Variants in UBE3B observed in about 807,000 individuals in gnomAD.
UBE3B encodes ubiquitin protein ligase E3B.
A neutral mutation model predicts 132.3 loss-of-function variants in UBE3B; 80 were observed. The observed-to-expected ratio is 0.60, with a 90% CI of 0.50 to 0.73. The LOEUF is 0.73. Ranked by LOEUF, UBE3B falls within the 30% of genes least tolerant of loss-of-function variation. The pLI, the probability that UBE3B is intolerant of heterozygous loss-of-function variation, is 0.00. For missense variants in UBE3B, 1,196 were observed against 1,362.5 expected (o/e 0.88, Z 1.92); for synonymous variants, 487 against 520.4 (o/e 0.94, Z 0.87).
chr12:109,485,968 G>C (rs1284071406), intron 4 of UBE3B, 44 bp from the exon 5 acceptor site: 3 of 1,546,856 alleles, frequency 1.9e-6, no homozygotes, highest in Middle Eastern at 3.4e-4. Flanking sequence ...TTCACTTTTT[G>C]ATGGATTGTG....
downstream of UBE3B, among the ~76,000 whole-genome samples, chr12:109,541,409 C>G (rs1219430494): frequency 2.0e-5 from 3 of 152,186 alleles, no homozygotes. Context: ...CTCGGAGATT[C>G]ATTTTCCCCA....
intron 18 of UBE3B, among the ~76,000 whole-genome samples, chr12:109,511,960 C>T (rs940621762): frequency 6.6e-6 from 1 of 152,118 alleles, no homozygotes; most frequent in African/African-American, 2.4e-5. Context: ...GGTCACATCC[C>T]AAGGGGAAAG....
intron 16 of UBE3B, among the ~76,000 whole-genome samples, chr12:109,510,066 G>A (rs144602717): frequency 3.3e-5 from 5 of 152,158 alleles, no homozygotes; most frequent in African/African-American, 1.2e-4. Context: ...ACCTCCCGAA[G>A]TGTCTCCAAT....
rs545995032 is a variant in UBE3B at position 109,511,421 on chromosome 12, A to T, written c.1956+118A>T. 2.5e-5 allele frequency: 22 copies of T among 882,134 alleles called. No individual in the cohort carries two copies. In the South Asian group the frequency reaches 3.2e-4, roughly 13 times the overall value. 54.6% of individuals were successfully genotyped at this position (882,134 alleles called of 1,614,324 possible). A position where few individuals can be genotyped will look rare whatever the true frequency, so the allele number is the denominator to read the frequency against. ...CTAAGTGGGATCATTCATTCAGCAC[A>T]AGGAAACGGTGGTTGCTATTACTTT... On this transcript the variant is annotated intron_variant, in intron 18 of 27. Transcript: ENST00000342494.
chr12:109,542,181 G>A, the UBE3B span, among the ~76,000 whole-genome samples: 1 of 152,176 alleles, frequency 6.6e-6, no homozygotes, highest in Non-Finnish European at 1.5e-5. Flanking sequence ...ATTCAAGGAC[G>A]GGAAATATTT....
intron 9 of UBE3B, chr12:109,491,605 A>AG (rs1428463009): frequency 6.5e-6 from 1 of 153,134 alleles, no homozygotes; most frequent in Non-Finnish European, 1.5e-5. Context: ...GAAGAAGCTA[A>AG]GTTAATTCCT....
At chr12:109,493,637 A>G (rs1406067270) in intron 9 of UBE3B, among the ~76,000 whole-genome samples, 5 of 152,192 alleles carry the variant, frequency 3.3e-5, no homozygotes, top group African/African-American at 1.2e-4. Flanking sequence ...CACAATCAGG[A>G]CCTTTTAAAG....
chr12:109,526,639 G>T (rs1053249135), intron 24 of UBE3B, among the ~76,000 whole-genome samples: 2 of 152,140 alleles, frequency 1.3e-5, no homozygotes, highest in African/African-American at 4.8e-5. Flanking sequence ...TTGTTAGGCC[G>T]AGGCGGGCGG....
At chr12:109,524,564 C>T (rs1289921709) in intron 23 of UBE3B, 61 bp downstream of exon 23, 9 of 1,568,998 alleles carry the variant, frequency 5.7e-6, no homozygotes, top group Middle Eastern at 1.7e-4. Flanking sequence ...TGAGACCTGC[C>T]GTGTTATTTG....
At chr12:109,494,825 AC>A (rs1877971101) in intron 9 of UBE3B, among the ~76,000 whole-genome samples, 1 of 152,116 alleles carries the variant, frequency 6.6e-6, no homozygotes, top group South Asian at 2.1e-4. Context: ...TTCCACTGAT[AC>A]GTCGCTCCCA....
downstream of UBE3B, among the ~76,000 whole-genome samples, chr12:109,539,312 G>C (rs1264548779): frequency 2.0e-5 from 3 of 152,222 alleles, no homozygotes; most frequent in African/African-American, 4.8e-5. Flanking sequence ...ACCCTCTGGA[G>C]CGTGGGGTCA....
At chr12:109,488,088 A>G (rs1390342023) in intron 6 of UBE3B, among the ~76,000 whole-genome samples, 3 of 152,206 alleles carry the variant, frequency 2.0e-5, no homozygotes, top group Non-Finnish European at 2.9e-5. Context: ...TCTCACAACA[A>G]CCCTATGAGG....
At chr12:109,506,220 G>A in intron 14 of UBE3B, among the ~76,000 whole-genome samples, 1 of 152,240 alleles carries the variant, frequency 6.6e-6, no homozygotes, top group East Asian at 1.9e-4. Flanking sequence ...CTTTGCCAAA[G>A]GTGGCGAGCC....
At position 109,534,750 on chromosome 12, in the gene UBE3B, A is replaced by G. The variant is rs374191030; in HGVS notation, c.3175A>G (p.Ile1059Val). 18 of 1,580,234 alleles carry G rather than the reference A, an allele frequency of 1.1e-5. No homozygotes were observed. The highest frequency in any genetic ancestry group is 1.5e-5 in the Non-Finnish European group (18 of 1,162,884). ...CCTCCGCGAGAAGCTGCGCTACGCCATCAGCATGAACACGGGCTTTGAACT... is the reference window on the plus strand; with the variant it reads ...CCTCCGCGAGAAGCTGCGCTACGCCGTCAGCATGAACACGGGCTTTGAACT... ...SVLREKLRYAISMNTGFELS is the reference protein window; with the variant it reads ...SVLREKLRYAVSMNTGFELS The change falls in exon 28 of 28, where the codon ATC becomes GTC. Residue 1059 changes from isoleucine (I) to valine (V), a missense_variant. By Grantham distance (29) the Ile-to-Val change is conservative. Coordinates refer to ENST00000342494, the MANE Select transcript of UBE3B (RefSeq NM_130466.4). This position sits in a 1 kb window ranked among gnomAD's most constrained non-coding sequence, Gnocchi z 5.2.
chr12:109,533,983 A>G (rs755484440), intron 27 of UBE3B: 1 of 1,297,942 alleles, frequency 7.7e-7, no homozygotes, highest in South Asian at 1.2e-5. Context: ...TCATTTCCTC[A>G]TTGGCCAAAG....
intron 4 of UBE3B, among the ~76,000 whole-genome samples, chr12:109,484,727 G>C (rs527667160): frequency 5.6e-5 from 8 of 142,858 alleles, no homozygotes; most frequent in African/African-American, 2.1e-4. Flanking sequence ...AGATGCCAAA[G>C]ATCTGAGTTT....
chr12:109,489,129 G>C (rs1313784644), intron 7 of UBE3B, among the ~76,000 whole-genome samples: 1 of 152,210 alleles, frequency 6.6e-6, no homozygotes, highest in Non-Finnish European at 1.5e-5. Context: ...ATACATGCCA[G>C]ATGCCTCTAG....
chr12:109,519,075 A>G (rs1881395474), intron 19 of UBE3B, among the ~76,000 whole-genome samples: 1 of 152,214 alleles, frequency 6.6e-6, no homozygotes, highest in African/African-American at 2.4e-5. Context: ...TCTTCTTCCC[A>G]GAGGGTGAGT....
At position 109,488,661 on chromosome 12, in the gene UBE3B, G is replaced by A. The variant is rs1876917236; in HGVS notation, c.537G>A (p.Arg179=). Residue 179 remains arginine, a synonymous_variant, in exon 7 of 28, where the codon CGG becomes CGA. Coordinates refer to ENST00000342494, the MANE Select transcript of UBE3B (RefSeq NM_130466.4). ...ACACTTCAACGTGGAAAATTCTTCGGGGAAAAGGTCTGTGGGACTTGCTTC... is the reference window on the plus strand; with the variant it reads ...ACACTTCAACGTGGAAAATTCTTCGAGGAAAAGGTCTGTGGGACTTGCTTC... The part of the protein sequence containing the change: ...FTDTSTWKIL[R]GKGESLRPAM... 1.9e-6 allele frequency: 3 copies of A among 1,613,944 alleles called. No homozygotes were observed. The highest frequency in any genetic ancestry group is 2.5e-6 in the Non-Finnish European group (3 of 1,179,834).
Sources: gnomAD v4.1 joint callset for allele counts (sites outside exome capture counted in the v4.1 genomes callset) on GRCh38, gnomAD v4.1.1 for gene constraint, Gnocchi (gnomAD v3.1) non-coding constraint, MANE v1.5 for transcripts, NCBI Gene and HGNC (gene_info 2026-07-23, HGNC 2026-07-21) for gene names.